FHAD1: variants seen among roughly 807,000 people sequenced by gnomAD.
FHAD1 encodes forkhead-associated domain-containing protein 1.
Under a neutral mutation model 191.3 loss-of-function variants are expected in FHAD1, and 146 were observed. The observed-to-expected ratio is 0.76, with a 90% CI of 0.67 to 0.88. The LOEUF (loss-of-function observed/expected upper bound fraction) is 0.88, where lower values mean the gene tolerates loss of function less well. FHAD1 is among the 40% of genes least tolerant of loss of function. The probability of loss-of-function intolerance (pLI) is 0.00; values close to 1 mark genes in which losing one functional copy is unlikely to be tolerated. For synonymous variants in FHAD1, 616 were observed against 672.3 expected, an observed-to-expected ratio of 0.92 and a Z score of 1.29; for missense variants, 1,635 against 1,785.8, an observed-to-expected ratio of 0.92 and a Z score of 1.52.
chr1:15,241,596 G>A (rs1306436326), intron 1 of FHAD1, among the ~76,000 whole-genome samples: 1 of 152,124 alleles, frequency 6.6e-6, no homozygotes, highest in Non-Finnish European at 1.5e-5. Flanking sequence ...GTTGCAGTGA[G>A]ATCATATCAT....
chr1:15,246,867 G>C (rs895608471), upstream of FHAD1, among the ~76,000 whole-genome samples: 2 of 151,878 alleles, frequency 1.3e-5, no homozygotes, highest in Non-Finnish European at 2.9e-5. Context: ...CTAGAGATTT[G>C]GGTAGGGCAG....
intron 31 of FHAD1, chr1:15,383,980 G>C (rs934122931): frequency 5.7e-6 from 2 of 347,832 alleles, no homozygotes; most frequent in Admixed American, 6.6e-5. Flanking sequence ...GTGCATTCTC[G>C]TGTGTGTGTA....
At position 15,327,530 on chromosome 1, in the gene FHAD1, G is replaced by A. The variant is rs1679233984; in HGVS notation, c.1557+388G>A. ...GGGTGGATGTCTGGCTGTAATGATT[G>A]CCTTGCTGTTCTTCCACTACACTTT... On this transcript the variant is annotated intron_variant, in intron 12 of 33. Transcript: ENST00000688493. The surrounding 1 kb of genome is among the most constrained non-coding windows in gnomAD (Gnocchi z 5.1). 5.8e-6 allele frequency: 1 copy of A among 170,944 alleles called. No homozygotes were observed. The highest frequency in any genetic ancestry group is 1.2e-5 in the Non-Finnish European group (1 of 80,474). The allele number at this position is 170,944 out of a possible 1,614,324, so 10.6% of individuals were successfully genotyped here.
intron 2 of FHAD1, among the ~76,000 whole-genome samples, chr1:15,269,900 A>G (rs1383799284): frequency 7.2e-6 from 1 of 138,728 alleles, no homozygotes; most frequent in Non-Finnish European, 1.6e-5. Context: ...CCCCTTTACC[A>G]TTATTTATGG....
intron 15 of FHAD1, among the ~76,000 whole-genome samples, chr1:15,340,010 G>T (rs1452711537): frequency 6.6e-6 from 1 of 152,076 alleles, no homozygotes; most frequent in Non-Finnish European, 1.5e-5. Context: ...ATTTTTAGTA[G>T]AGACAGGGTT....
intron 21 of FHAD1, among the ~76,000 whole-genome samples, chr1:15,359,814 G>A (rs1418569888): frequency 6.6e-6 from 1 of 152,200 alleles, no homozygotes; most frequent in Non-Finnish European, 1.5e-5. Context: ...GCCAGGCGTG[G>A]TGGCGGGCGC....
Position 15,251,842 on chromosome 1 carries a change from A to G in FHAD1, c.58A>G (p.Ile20Val). ...GFFVLNKSTT[I>V]GRHENSDLVL... ...TTTTGTCCTAAATAAAAGTACCACA[A>G]TTGGAAGGCATGAAAATTCAGACCT... The change falls in exon 2 of 34, where the codon ATT (isoleucine) becomes GTT (valine). Residue 20 changes from isoleucine (I) to valine (V), a missense_variant. Transcript: ENST00000688493. The G allele has an allele frequency of 6.4e-7, 1 of 1,552,408 alleles. No homozygotes were observed. The highest frequency in any genetic ancestry group is 1.2e-5 in the South Asian group (1 of 84,058).
chr1:15,382,471 C>T (rs1170060134), intron 31 of FHAD1, among the ~76,000 whole-genome samples: 1 of 152,148 alleles, frequency 6.6e-6, no homozygotes, highest in East Asian at 1.9e-4. Context: ...TTATATCAAT[C>T]TGCCAGGTGC....
intron 3 of FHAD1, among the ~76,000 whole-genome samples, chr1:15,285,757 T>A (rs762022900): frequency 2.0e-5 from 3 of 152,168 alleles, no homozygotes; most frequent in African/African-American, 4.8e-5. Flanking sequence ...AGCTTCTCTG[T>A]TTGTTCATTA....
At chr1:15,256,868 C>T (rs559696882) in intron 2 of FHAD1, among the ~76,000 whole-genome samples, 3 of 152,068 alleles carry the variant, frequency 2.0e-5, no homozygotes, top group Non-Finnish European at 4.4e-5. Flanking sequence ...CATGCCTGCC[C>T]CTCTGCCCTT....
chr1:15,399,235 T>G (rs1300766856), downstream of FHAD1, among the ~76,000 whole-genome samples: 1 of 152,212 alleles, frequency 6.6e-6, no homozygotes, highest in Non-Finnish European at 1.5e-5. Flanking sequence ...TTGTGTGATA[T>G]TCCATTGGAG....
chr1:15,331,733 A>G (rs1681682619), intron 14 of FHAD1, among the ~76,000 whole-genome samples: 1 of 151,706 alleles, frequency 6.6e-6, no homozygotes, highest in Non-Finnish European at 1.5e-5. Context: ...GAAGGCAGGA[A>G]GGCAGGCAAG....
intron 4 of FHAD1, among the ~76,000 whole-genome samples, chr1:15,293,028 A>G (rs1665438284): frequency 6.6e-6 from 1 of 152,254 alleles, no homozygotes; most frequent in Non-Finnish European, 1.5e-5. Flanking sequence ...GCATATTAAT[A>G]CAAGCTTCAT....
At position 15,374,530 on chromosome 1, in the gene FHAD1, G is replaced by A. The variant is rs1482742893; in HGVS notation, c.3476G>A (p.Arg1159Lys). The change falls in exon 27 of 34, where the codon AGG becomes AAG. Residue 1159 changes from arginine to lysine, a missense_variant. Coordinates refer to ENST00000688493, the MANE Select transcript of FHAD1 (RefSeq NM_001391957.1). ...EQQSFSDLGV[R>K]CKGSRHEEVI... The stretch of plus-strand genomic sequence containing the variant: ...CAATCCTTCAGCGATCTAGGGGTCA[G>A]GTGCAAAGGGTCCCGGCACGAGGAG... The A allele has an allele frequency of 1.3e-6, 2 of 1,551,788 alleles. No homozygotes were observed. The highest frequency in any genetic ancestry group is 2.0e-5 in the Admixed American group (1 of 51,002).
At chr1:15,362,853 C>T in intron 23 of FHAD1, 127 bp downstream of exon 23, 1 of 696,116 alleles carries the variant, frequency 1.4e-6, no homozygotes, top group Non-Finnish European at 2.5e-6. Context: ...GGCCTGCTGC[C>T]TTCCCAGTGC....
intron 7 of FHAD1, 74 bp downstream of exon 7, chr1:15,308,810 A>T (rs1671364866): frequency 1.3e-6 from 2 of 1,540,620 alleles, no homozygotes; most frequent in Admixed American, 2.0e-5. Flanking sequence ...GACATCACCA[A>T]TCAACCACAT....
intron 3 of FHAD1, among the ~76,000 whole-genome samples, chr1:15,274,606 C>T (rs1341075545): frequency 5.4e-5 from 5 of 92,848 alleles, no homozygotes; most frequent in Admixed American, 1.2e-4. Flanking sequence ...AGCAAGACTC[C>T]GCCTCAAAAA....
chr1:15,398,343 A>G (rs2103239296), downstream of FHAD1, among the ~76,000 whole-genome samples: 1 of 152,090 alleles, frequency 6.6e-6, no homozygotes, highest in East Asian at 1.9e-4. Context: ...TATTGCTTCC[A>G]TAATAATGAC....
intron 18 of FHAD1, chr1:15,345,731 A>T: frequency 6.8e-6 from 4 of 591,434 alleles, no homozygotes; most frequent in Admixed American, 3.0e-5. Flanking sequence ...TTGGGAAAAA[A>T]TTGTAAACAG....
Sources: allele counts gnomAD v4.1 joint callset (sites outside exome capture counted in the v4.1 genomes callset), GRCh38; gene constraint gnomAD v4.1.1; non-coding constraint Gnocchi (gnomAD v3.1); transcripts MANE v1.5; gene names NCBI Gene and HGNC (gene_info 2026-07-23, HGNC 2026-07-21).